RUNX1: variants seen among roughly 807,000 people sequenced by gnomAD.
RUNX1 encodes the protein RUNX family transcription factor 1, also known as runt-related transcription factor 1.
RUNX1 carries 19 observed loss-of-function variants against 42.8 expected under a neutral mutation model. That is an observed-to-expected ratio of 0.44 (90% CI 0.31 to 0.65). The LOEUF (loss-of-function observed/expected upper bound fraction) is 0.65, where lower values mean the gene tolerates loss of function less well. Among genes scored for constraint, RUNX1 ranks in the 30% least tolerant of loss-of-function variants. The pLI is 0.07. For synonymous variants in RUNX1, 271 were observed against 289.4 expected (o/e 0.94, Z 0.64); for missense variants, 528 against 672.0 (o/e 0.79, Z 2.37).
At chr21:34,997,841 T>A (rs2059008518) in intron 2 of RUNX1, among the ~76,000 whole-genome samples, 1 of 152,192 alleles carries the variant, frequency 6.6e-6, no homozygotes, top group Non-Finnish European at 1.5e-5. Context: ...AAGACCATCA[T>A]CCTTCTCTCC....
At chr21:34,892,073 T>C (rs917450732) in intron 3 of RUNX1, among the ~76,000 whole-genome samples, 2 of 152,238 alleles carry the variant, frequency 1.3e-5, no homozygotes, top group African/African-American at 4.8e-5. Context: ...TTGCGAGCAA[T>C]ATATTTCCAA....
chr21:34,837,570 T>A (rs1416458858), intron 6 of RUNX1, among the ~76,000 whole-genome samples: 1 of 152,256 alleles, frequency 6.6e-6, no homozygotes, highest in Non-Finnish European at 1.5e-5. Flanking sequence ...GTTTCCTGTA[T>A]CTGTGTTCAG....
At chr21:34,859,257 T>C in intron 6 of RUNX1, 1 of 595,762 alleles carries the variant, frequency 1.7e-6, no homozygotes, top group East Asian at 2.8e-5. Context: ...AATTTCCTTT[T>C]GCCCTCTAAA....
intron 2 of RUNX1, among the ~76,000 whole-genome samples, chr21:34,992,551 C>A (rs1272632149): frequency 6.6e-6 from 1 of 151,798 alleles, no homozygotes; most frequent in East Asian, 1.9e-4. Context: ...CTAGGGGTGA[C>A]CAGCCATGAA....
At chr21:34,869,300 T>C (rs2057705674) in intron 5 of RUNX1, among the ~76,000 whole-genome samples, 1 of 152,136 alleles carries the variant, frequency 6.6e-6, no homozygotes, top group African/African-American at 2.4e-5. Context: ...CTAACATAGA[T>C]GATATAAGTC....
intron 8 of RUNX1, among the ~76,000 whole-genome samples, chr21:34,797,517 C>T (rs1037366272): frequency 2.0e-5 from 3 of 152,240 alleles, no homozygotes; most frequent in Admixed American, 2.0e-4. Context: ...AAGGATAGAC[C>T]CATAGCAGGA....
intron 5 of RUNX1, among the ~76,000 whole-genome samples, chr21:34,871,037 C>G (rs151109069): frequency 6.6e-6 from 1 of 152,322 alleles, no homozygotes; most frequent in African/African-American, 2.4e-5. Context: ...CATCTAATGT[C>G]ACTCATGATA....
intron 7 of RUNX1, among the ~76,000 whole-genome samples, chr21:34,830,234 A>C (rs953432312): frequency 2.0e-5 from 3 of 152,202 alleles, no homozygotes; most frequent in Non-Finnish European, 2.9e-5. Context: ...AATGAACTTC[A>C]AAAGTAGGAA....
At chr21:34,871,873 T>C (rs976703886) in intron 5 of RUNX1, among the ~76,000 whole-genome samples, 2 of 151,662 alleles carry the variant, frequency 1.3e-5, no homozygotes, top group Admixed American at 6.6e-5. Context: ...AGACGGAGTC[T>C]TGCTCTGTCA....
chr21:34,821,647 A>G (rs1437250282), intron 7 of RUNX1: 2 of 1,566,102 alleles, frequency 1.3e-6, no homozygotes, highest in South Asian at 1.2e-5. Flanking sequence ...AGAGGGATGG[A>G]CAGAAGAACT....
rs145622873 is a variant in RUNX1 at position 35,042,003 on chromosome 21, C to T, written c.58+6839G>A. Among the ~76,000 whole-genome samples the T allele has an allele frequency of 2.6e-3, 403 of 152,082 alleles. 4 individuals carry two copies. The highest frequency in any genetic ancestry group is 9.0e-3 in the African/African-American group (374 of 41,474). ...TTAAAAGAGTGAGGAAGATGGGGGG[C>T]GGGAAGCAACTATTTCCAGCTGCGA... is the stretch of plus-strand genomic sequence containing the variant. On this transcript the variant is annotated intron_variant, in intron 2 of 8. Coordinates refer to ENST00000675419, the MANE Select transcript of RUNX1 (RefSeq NM_001754.5).
At chr21:34,957,809 T>C (rs1601608038) in intron 2 of RUNX1, among the ~76,000 whole-genome samples, 1 of 152,202 alleles carries the variant, frequency 6.6e-6, no homozygotes, top group East Asian at 1.9e-4. Context: ...CAGGGTCATC[T>C]GGAATCCCGA....
intron 2 of RUNX1, among the ~76,000 whole-genome samples, chr21:35,013,910 T>A (rs893260182): frequency 6.6e-6 from 1 of 152,240 alleles, no homozygotes; most frequent in African/African-American, 2.4e-5. Context: ...TTTAGAAGAA[T>A]TTTTAATGAA....
At chr21:34,902,945 G>A (rs1019943731) in intron 2 of RUNX1, among the ~76,000 whole-genome samples, 14 of 152,170 alleles carry the variant, frequency 9.2e-5, no homozygotes, top group Admixed American at 7.9e-4. Context: ...AGGAAAAAGA[G>A]GACCCAGAAT....
At chr21:34,836,301 G>A (rs1045183226) in intron 6 of RUNX1, among the ~76,000 whole-genome samples, 1 of 152,176 alleles carries the variant, frequency 6.6e-6, no homozygotes, top group Non-Finnish European at 1.5e-5. Flanking sequence ...CCGGCTTTGT[G>A]GATGAAAGGC....
chr21:35,010,888 C>T (rs1416389660), intron 2 of RUNX1, among the ~76,000 whole-genome samples: 2 of 152,130 alleles, frequency 1.3e-5, no homozygotes, highest in African/African-American at 2.4e-5. Flanking sequence ...CTGGAAAAAT[C>T]GGATTCATCA....
chr21:34,804,036 A>G (rs2056645278), intron 7 of RUNX1, among the ~76,000 whole-genome samples: 1 of 152,232 alleles, frequency 6.6e-6, no homozygotes, highest in Non-Finnish European at 1.5e-5. Context: ...CTTAAGTCCA[A>G]TGGAAAGCTG....
At chr21:34,818,394 G>C (rs1381818689) in intron 7 of RUNX1, among the ~76,000 whole-genome samples, 1 of 152,190 alleles carries the variant, frequency 6.6e-6, no homozygotes, top group African/African-American at 2.4e-5. Context: ...GAAGGAGAGG[G>C]AAAGGGCCCG....
rs55789220 is a variant in RUNX1, at chr21:34,834,224, G to A, written c.805+186C>T. 17,746 of 712,028 alleles carry A rather than the reference G, an allele frequency of 0.025. 335 individuals carry two copies. The highest frequency in any genetic ancestry group is 0.066 in the African/African-American group (3,809 of 57,508). The allele number at this position is 712,028 out of a possible 1,614,324, so 44.1% of individuals were successfully genotyped here. The stretch of plus-strand genomic sequence containing the variant: ...ATGCAGATCTGACTCGGTGGGTCTG[G>A]GGTGGGTGGGGCCCAAGACTCTGCA... On this transcript the variant is annotated intron_variant, in intron 7 of 8. Transcript: ENST00000675419.
Sources: gnomAD v4.1 joint callset for allele counts (sites outside exome capture counted in the v4.1 genomes callset) on GRCh38, gnomAD v4.1.1 for gene constraint, MANE v1.5 for transcripts, NCBI Gene and HGNC (gene_info 2026-07-23, HGNC 2026-07-21) for gene names.